GLYATL3: variants seen among roughly 807,000 people sequenced by gnomAD.
GLYATL3 encodes the protein glycine-N-acyltransferase like 3, also known as glycine N-acyltransferase-like protein 3.
Under a neutral mutation model 28.5 loss-of-function variants are expected in GLYATL3, and 31 were observed. The ratio of observed to expected loss-of-function variants is 1.09; its 90% CI spans 0.82 to 1.47. The LOEUF (loss-of-function observed/expected upper bound fraction) is 1.47. Ranked by LOEUF, GLYATL3 falls within the 40% of genes most tolerant of loss-of-function variation. The pLI, the probability that GLYATL3 is intolerant of heterozygous loss-of-function variation, is 0.00. For synonymous variants in GLYATL3, 141 were observed against 140.2 expected, an observed-to-expected ratio of 1.01 and a Z score of -0.04; for missense variants, 369 against 351.5, an observed-to-expected ratio of 1.05 and a Z score of -0.40.
At chr6:49,525,287 G>A (rs1287026259) in intron 5 of GLYATL3, among the ~76,000 whole-genome samples, 5 of 151,778 alleles carry the variant, frequency 3.3e-5, no homozygotes, top group Non-Finnish European at 7.4e-5. Flanking sequence ...GTTGGTCTGG[G>A]TGCAGTGGCT....
chr6:49,506,889 C>A (rs1453375115), intron 1 of GLYATL3, among the ~76,000 whole-genome samples: 1 of 152,078 alleles, frequency 6.6e-6, no homozygotes, highest in East Asian at 1.9e-4. Context: ...AAACAGGATT[C>A]TAAGCCTCTG....
At chr6:49,521,528 A>G (rs1352218006) in intron 4 of GLYATL3, 117 bp from the exon 5 acceptor site, 4 of 791,394 alleles carry the variant, frequency 5.1e-6, no homozygotes, top group Non-Finnish European at 8.0e-6. Flanking sequence ...TTAGGATAAT[A>G]CAAGGTGGCA....
rs769987419 is a variant in GLYATL3 at position 49,517,572 on chromosome 6, A to G, written c.313+16A>G. On this transcript the variant is annotated intron_variant, in intron 4 of 5. Coordinates refer to ENST00000371197, the MANE Select transcript of GLYATL3 (RefSeq NM_001010904.2). ...CAAATACAAGGTGAGGTCAAGTGCA[A>G]GACTTATATTACACAGTCTTTTTTT... is the stretch of plus-strand genomic sequence containing the variant. The G allele has an allele frequency of 1.3e-4, 194 of 1,543,632 alleles. No homozygotes were observed. The highest frequency in any genetic ancestry group is 1.6e-4 in the Non-Finnish European group (182 of 1,142,468).
chr6:49,523,846 G>A (rs1769357131), intron 5 of GLYATL3, among the ~76,000 whole-genome samples: 1 of 151,904 alleles, frequency 6.6e-6, no homozygotes, highest in African/African-American at 2.4e-5. Context: ...TTACTTTTCT[G>A]TTGAAGAAAC....
chr6:49,510,528 GT>G (rs1394180398), intron 1 of GLYATL3, among the ~76,000 whole-genome samples: 3 of 152,076 alleles, frequency 2.0e-5, no homozygotes, highest in Non-Finnish European at 4.4e-5. Flanking sequence ...AAATAATTTT[GT>G]TTCGTTTTCT....
At chr6:49,521,552 G>A in intron 4 of GLYATL3, 93 bp from the exon 5 acceptor site, 1 of 1,057,270 alleles carries the variant, frequency 9.5e-7, no homozygotes, top group Admixed American at 2.3e-5. Context: ...TGCTAGTATT[G>A]ATGATTCTCA....
chr6:49,512,405 A>G (rs1030211756), intron 2 of GLYATL3, among the ~76,000 whole-genome samples: 2 of 150,870 alleles, frequency 1.3e-5, no homozygotes, highest in Non-Finnish European at 2.9e-5. Flanking sequence ...TCTAGGTTTT[A>G]AGCCCTACAT....
In GLYATL3 at chr6:49,521,763, C is replaced by G; in HGVS notation, c.432C>G (p.Thr144=). The change falls in exon 5 of 6, where the codon ACC becomes ACG. Residue 144 remains threonine (T), a synonymous_variant. Coordinates refer to ENST00000371197, the MANE Select transcript of GLYATL3 (RefSeq NM_001010904.2). The stretch of plus-strand genomic sequence containing the variant: ...CTCCTGTTTCATCTCTGCCAGATAC[C>G]AGTTTCCTGTATGTAAACCAAGTTT... ...HFSPVSSLPD[T]SFLKGPSPRL... is the part of the protein sequence containing the mutation. 1.3e-6 allele frequency: 2 copies of G among 1,551,214 alleles called. No individual in the cohort carries two copies. The highest frequency in any genetic ancestry group is 1.7e-6 in the Non-Finnish European group (2 of 1,146,780).
chr6:49,507,631 A>G (rs1469213121), intron 1 of GLYATL3, among the ~76,000 whole-genome samples: 1 of 152,170 alleles, frequency 6.6e-6, no homozygotes, highest in Non-Finnish European at 1.5e-5. Flanking sequence ...ATGAACCTGC[A>G]TTCGGAGTGC....
chr6:49,511,674 A>T (rs186323672), intron 1 of GLYATL3, among the ~76,000 whole-genome samples: 23 of 152,344 alleles, frequency 1.5e-4, no homozygotes, highest in Non-Finnish European at 1.0e-4. Flanking sequence ...ATACAAAATT[A>T]CAACTGTTAT....
intron 1 of GLYATL3, among the ~76,000 whole-genome samples, chr6:49,507,457 C>G (rs1468527283): frequency 6.6e-6 from 1 of 152,086 alleles, no homozygotes; most frequent in Admixed American, 6.5e-5. Flanking sequence ...CTTGATTCCA[C>G]CCTGTTTAAG....
chr6:49,503,900 A>G (rs1768960369), intron 1 of GLYATL3, among the ~76,000 whole-genome samples: 2 of 152,238 alleles, frequency 1.3e-5, no homozygotes, highest in Admixed American at 6.5e-5. Context: ...CCTAAAACCT[A>G]AAGTGATATT....
At chr6:49,526,181 C>T (rs374061867) in intron 5 of GLYATL3, among the ~76,000 whole-genome samples, 4 of 152,026 alleles carry the variant, frequency 2.6e-5, no homozygotes, top group Non-Finnish European at 4.4e-5. Flanking sequence ...TTTGGGAGGC[C>T]GGGAGGGGTG....
chr6:49,518,723 G>C (rs1769259772), intron 4 of GLYATL3, among the ~76,000 whole-genome samples: 1 of 152,124 alleles, frequency 6.6e-6, no homozygotes, highest in Non-Finnish European at 1.5e-5. Context: ...GGTAGATCGT[G>C]AGGTCAGGAG....
At chr6:49,526,269 CTGGGA>C (rs1769409799) in intron 5 of GLYATL3, among the ~76,000 whole-genome samples, 1 of 152,056 alleles carries the variant, frequency 6.6e-6, no homozygotes, top group Non-Finnish European at 1.5e-5. Flanking sequence ...CAAAAATTAG[CTGGGA>C]TGGTGACGGG....
chr6:49,506,107 A>C (rs1769006198), intron 1 of GLYATL3, among the ~76,000 whole-genome samples: 1 of 152,214 alleles, frequency 6.6e-6, no homozygotes, highest in African/African-American at 2.4e-5. Context: ...AAAATCATTT[A>C]AGGTGTTTAA....
At chr6:49,515,586 A>G in intron 2 of GLYATL3, 67 bp from the exon 3 acceptor site, 1 of 870,206 alleles carries the variant, frequency 1.1e-6, no homozygotes. Flanking sequence ...ACAAGAGGTA[A>G]AGACGATAAT....
intron 1 of GLYATL3, among the ~76,000 whole-genome samples, chr6:49,500,826 CAT>C (rs1461742491): frequency 2.6e-5 from 4 of 152,130 alleles, no homozygotes; most frequent in Non-Finnish European, 5.9e-5. Context: ...GACTCTCTAA[CAT>C]GTTACAAAAA....
chr6:49,527,946 A>T lies in GLYATL3; in HGVS notation c.*1032A>T, dbSNP rs1156537724. 4.6e-5 allele frequency among the ~76,000 whole-genome samples: 7 copies of T among 152,180 alleles called. No individual in the cohort carries two copies. The highest frequency in any genetic ancestry group is 2.0e-4 in the Admixed American group (3 of 15,286). ...AAATAAATGACTTTTTCAAGATTAT[A>T]TTCTTTATAATCAGTACTGGAGGCA... On this transcript the variant is annotated 3_prime_UTR_variant, in exon 6 of 6. Transcript: ENST00000371197.
Sources: gnomAD v4.1 joint callset for allele counts (sites outside exome capture counted in the v4.1 genomes callset) on GRCh38, gnomAD v4.1.1 for gene constraint, MANE v1.5 for transcripts, NCBI Gene and HGNC (gene_info 2026-07-23, HGNC 2026-07-21) for gene names.